The following NBAS variants were observed in gnomAD, a reference collection of about 807,000 sequenced individuals.
NBAS encodes the protein NAG/BC035112 fusion.
A neutral mutation model predicts 302.5 loss-of-function variants in NBAS; 219 were observed. That is an observed-to-expected ratio of 0.72 (90% CI 0.65 to 0.81). The LOEUF (loss-of-function observed/expected upper bound fraction) is 0.81. NBAS is among the 30% of genes least tolerant of loss of function. NBAS has a pLI of 0.00. For synonymous variants in NBAS, 1,118 were observed against 1,021.6 expected (o/e 1.09, Z -1.80); for missense variants, 2,932 against 2,841.6 (o/e 1.03, Z -0.72).
rs543054951 is a variant in NBAS at position 15,505,801 on chromosome 2, A to G, written c.886-1588T>C. Among the ~76,000 whole-genome samples the G allele has an allele frequency of 3.1e-4, 47 of 152,322 alleles. No homozygotes were observed. In the South Asian group the frequency reaches 9.1e-3, roughly 30 times the overall value. ...AGAAAACTTTAACATAGCACTCCAA[A>G]CAGAATGAAATATAGTCAGACAAGC... On this transcript the variant is annotated intron_variant, in intron 10 of 51. Coordinates refer to ENST00000281513, the MANE Select transcript of NBAS (RefSeq NM_015909.4).
chr2:15,084,063 A>AT, the NBAS span, among the ~76,000 whole-genome samples: 234 of 148,590 alleles, frequency 1.6e-3, 3 homozygotes, highest in African/African-American at 5.0e-3. Context: ...AATTTATTTT[A>AT]TTTTTTGAGA....
chr2:15,018,330 A>G, the NBAS span, among the ~76,000 whole-genome samples: 4 of 152,090 alleles, frequency 2.6e-5, no homozygotes, highest in Admixed American at 2.0e-4. Context: ...TAAATGTTTG[A>G]GATGATGGAT....
At position 15,190,371 on chromosome 2, in the gene NBAS, G is replaced by A. The variant is rs779793082; in HGVS notation, c.6465C>T (p.Asn2155=). 3 of 1,613,970 alleles carry A rather than the reference G, an allele frequency of 1.9e-6. No homozygotes were observed. In the Admixed American group the frequency reaches 5.0e-5, roughly 27 times the overall value. The change falls in exon 49 of 52, where the codon AAC becomes AAT. Residue 2155 remains asparagine, a synonymous_variant. Transcript: ENST00000281513. ...VDIADIENEE[N]RYCLFMELLE... ...GGAGTTCCATGAATAGACAGTAGCG[G>A]TTCTCTTCATTCTCAATGTCAGCTA... is the stretch of plus-strand genomic sequence containing the variant.
Position 15,362,669 on chromosome 2 carries a change from T to C in NBAS, c.3817+3911A>G, listed in dbSNP as rs186461102. Among the ~76,000 whole-genome samples the C allele has an allele frequency of 3.9e-5, 6 of 152,284 alleles. No homozygotes were observed. In the East Asian group the frequency reaches 1.2e-3, roughly 29 times the overall value. On this transcript the variant is annotated intron_variant, in intron 32 of 51. Transcript: ENST00000281513. ...ACCTATAACACAATATAAAACCTAT[T>C]TCCTACATAACATTGAAATGTTTGC...
At chr2:15,454,747 A>T (rs1401876405) in intron 21 of NBAS, among the ~76,000 whole-genome samples, 3 of 151,928 alleles carry the variant, frequency 2.0e-5, no homozygotes, top group Admixed American at 6.6e-5. Flanking sequence ...CAAATTTCTG[A>T]TCACCCTCCT....
At chr2:15,101,295 TA>T in the NBAS span, among the ~76,000 whole-genome samples, 3 of 151,728 alleles carry the variant, frequency 2.0e-5, no homozygotes, top group East Asian at 1.9e-4. Context: ...CCAGGGGCAG[TA>T]AAAAAAAGTG....
the NBAS span, among the ~76,000 whole-genome samples, chr2:14,862,233 G>C: frequency 3.9e-5 from 6 of 152,054 alleles, no homozygotes; most frequent in South Asian, 1.2e-3. Flanking sequence ...CCACCTCCCG[G>C]GTTCAAGTGA....
chr2:14,800,312 C>T, the NBAS span, among the ~76,000 whole-genome samples: 2 of 152,166 alleles, frequency 1.3e-5, no homozygotes, highest in East Asian at 3.8e-4. Context: ...GAATAAGTCT[C>T]ATGAGATCTG....
rs559688102 is a variant in NBAS, at chr2:15,315,196, T to C, written c.4583-5949A>G. On this transcript the variant is annotated intron_variant, in intron 38 of 51. Coordinates refer to ENST00000281513, the MANE Select transcript of NBAS (RefSeq NM_015909.4). Reference sequence around the variant, plus strand: ...GTAAAAAATAGTTAAAGATATGCAGTGTAGTGTCAAGAGGTGAAGTTTACT... The same window carrying C: ...GTAAAAAATAGTTAAAGATATGCAGCGTAGTGTCAAGAGGTGAAGTTTACT... Among the ~76,000 whole-genome samples the C allele has an allele frequency of 3.3e-5, 5 of 152,270 alleles. No individual in the cohort carries two copies. In the South Asian group the frequency reaches 1.0e-3, roughly 32 times the overall value.
At chr2:15,332,308 A>T (rs1161145160) in intron 35 of NBAS, among the ~76,000 whole-genome samples, 2 of 152,230 alleles carry the variant, frequency 1.3e-5, no homozygotes, top group Non-Finnish European at 2.9e-5. Context: ...AATTTCTGTC[A>T]CATGGGAATG....
At chr2:15,063,609 T>G in the NBAS span, among the ~76,000 whole-genome samples, 1 of 152,168 alleles carries the variant, frequency 6.6e-6, no homozygotes, top group Non-Finnish European at 1.5e-5. Context: ...AGATAGGGAC[T>G]TTAAGGAGGT....
rs755723801 is a variant in NBAS at position 15,275,499 on chromosome 2, T to A, written c.5709A>T (p.Pro1903=). The change falls in exon 44 of 52, where the codon CCA becomes CCT. Residue 1903 remains proline, a synonymous_variant. Coordinates refer to ENST00000281513, the MANE Select transcript of NBAS (RefSeq NM_015909.4). ...TTTTGTTTACCTTGGTCACAGCTTTTGGAGAAAATGTAACTGCATCTACCA... is the reference window on the plus strand; with the variant it reads ...TTTTGTTTACCTTGGTCACAGCTTTAGGAGAAAATGTAACTGCATCTACCA... ...ITVVDAVTFS[P]KAVTKLSVEA... is the part of the protein sequence containing the mutation. 2.0e-5 allele frequency: 32 copies of A among 1,614,162 alleles called. No homozygotes were observed. The Admixed American group carries it at 2.0e-4, about 10-fold the overall frequency.
At chr2:14,792,122 T>C in the NBAS span, among the ~76,000 whole-genome samples, 2 of 152,124 alleles carry the variant, frequency 1.3e-5, no homozygotes, top group Non-Finnish European at 2.9e-5. Context: ...AGCCTCAGCA[T>C]CACCTGTTAA....
At chr2:14,906,126 T>G in the NBAS span, among the ~76,000 whole-genome samples, 18 of 151,944 alleles carry the variant, frequency 1.2e-4, no homozygotes, top group South Asian at 1.0e-3. Context: ...AGTAGTAGTA[T>G]TAGTAGTAGT....
At chr2:15,298,591 A>G (rs1201480287) in intron 40 of NBAS, among the ~76,000 whole-genome samples, 1 of 152,138 alleles carries the variant, frequency 6.6e-6, no homozygotes, top group African/African-American at 2.4e-5. Context: ...GGTACTTTCT[A>G]TCTCTTCCTC....
the NBAS span, among the ~76,000 whole-genome samples, chr2:15,040,429 A>G: frequency 6.6e-6 from 1 of 152,238 alleles, no homozygotes; most frequent in Non-Finnish European, 1.5e-5. Context: ...TCTTAAGCAC[A>G]TGCGTATGGA....
the NBAS span, among the ~76,000 whole-genome samples, chr2:15,117,836 G>A: frequency 2.0e-5 from 3 of 151,902 alleles, no homozygotes; most frequent in Admixed American, 6.6e-5. Context: ...ACCCTCAGCC[G>A]GTCCCACATT....
At chr2:15,073,879 T>A in the NBAS span, among the ~76,000 whole-genome samples, 1 of 152,228 alleles carries the variant, frequency 6.6e-6, no homozygotes, top group Non-Finnish European at 1.5e-5. Flanking sequence ...CACACAATGC[T>A]GCTGTTAATA....
At chr2:14,904,126 G>C in the NBAS span, among the ~76,000 whole-genome samples, 279 of 152,328 alleles carry the variant, frequency 1.8e-3, no homozygotes, top group Non-Finnish European at 3.2e-3. Context: ...AAGAGGGCAA[G>C]GGATGTGTAT....
Sources: allele counts gnomAD v4.1 joint callset (sites outside exome capture counted in the v4.1 genomes callset), GRCh38; gene constraint gnomAD v4.1.1; transcripts MANE v1.5; gene names NCBI Gene and HGNC (gene_info 2026-07-23, HGNC 2026-07-21).